Variants in DLG2 observed in about 807,000 individuals in gnomAD.
The protein encoded by DLG2 is discs large MAGUK scaffold protein 2.
A neutral mutation model predicts 132.5 loss-of-function variants in DLG2; 45 were observed. That is an observed-to-expected ratio of 0.34 (90% confidence interval 0.27 to 0.44). DLG2 has a LOEUF of 0.44. Among genes scored for constraint, DLG2 ranks in the 20% least tolerant of loss-of-function variants. DLG2 has a pLI of 1.00. For missense variants in DLG2, 1,045 were observed against 1,196.9 expected (o/e 0.87, Z 1.87); for synonymous variants, 424 against 419.6 (o/e 1.01, Z -0.13).
intron 3 of DLG2, among the ~76,000 whole-genome samples, chr11:85,484,313 A>G (rs1045960772): frequency 2.7e-5 from 4 of 150,502 alleles, no homozygotes; most frequent in Non-Finnish European, 5.9e-5. Context: ...TGTCTAAAAC[A>G]CCAAAAGCAA....
rs190493373 is a variant in DLG2, at chr11:83,608,704, C to A, written c.1940+24507G>T. On this transcript the variant is annotated intron_variant, in intron 19 of 27. Transcript: ENST00000376104. ...ATAATTATACTTCAGATAAATAAAT[C>A]AGGACACACACACACACACGCACAC... Among the ~76,000 whole-genome samples the A allele has an allele frequency of 7.7e-3, 1,157 of 150,506 alleles. 9 individuals carry two copies. The highest frequency in any genetic ancestry group is 0.052 in the Middle Eastern group (15 of 288).
rs754190895 is a variant in DLG2 at position 83,469,366 on chromosome 11, C to T, written c.2454G>A (p.Thr818=). 2.8e-5 allele frequency: 45 copies of T among 1,606,962 alleles called. No individual in the cohort carries two copies. Among genetic ancestry groups the T allele is most frequent in the Admixed American group, 3.4e-5 (2 of 58,204 alleles). The change falls in exon 25 of 28, where the codon ACG becomes ACA. Residue 818 remains threonine, a synonymous_variant. Transcript: ENST00000376104. ...CCACCTCGTAGTCTCGCTTTGGCCT[C>T]GTAGTATCTTTATAAAACAAAAAAT... ...DKFGSCVPHT[T]RPKRDYEVDG...
At chr11:84,507,752 C>T (rs986770725) in intron 7 of DLG2, among the ~76,000 whole-genome samples, 4 of 152,024 alleles carry the variant, frequency 2.6e-5, no homozygotes, top group Non-Finnish European at 5.9e-5. Context: ...GCATTTAATT[C>T]CGTTTATGTG....
At chr11:84,508,883 G>A (rs2099249727) in intron 7 of DLG2, among the ~76,000 whole-genome samples, 1 of 152,150 alleles carries the variant, frequency 6.6e-6, no homozygotes, top group Non-Finnish European at 1.5e-5. Context: ...TAGATGCTCA[G>A]TAAATGGTTA....
intron 8 of DLG2, among the ~76,000 whole-genome samples, chr11:84,184,450 A>T (rs1207891573): frequency 6.6e-6 from 1 of 151,478 alleles, no homozygotes; most frequent in African/African-American, 2.4e-5. Context: ...GTTTGAGTTC[A>T]TTGTAGATTC....
At chr11:83,889,888 C>T (rs1263667112) in intron 15 of DLG2, among the ~76,000 whole-genome samples, 2 of 143,226 alleles carry the variant, frequency 1.4e-5, no homozygotes, top group Non-Finnish European at 3.0e-5. Flanking sequence ...CATATTCTCA[C>T]TCATAGATGG....
chr11:84,143,316 A>G (rs900966854), intron 9 of DLG2, among the ~76,000 whole-genome samples: 7 of 152,176 alleles, frequency 4.6e-5, no homozygotes, highest in African/African-American at 1.7e-4. Context: ...TGGGTTTTGA[A>G]TGATAAGAAG....
chr11:84,539,090 G>A (rs2099362060), intron 6 of DLG2, among the ~76,000 whole-genome samples: 1 of 151,992 alleles, frequency 6.6e-6, no homozygotes, highest in African/African-American at 2.4e-5. Flanking sequence ...AATAATACCA[G>A]CTACAGTTAA....
chr11:83,797,991 C>A (rs2043290693), intron 17 of DLG2, among the ~76,000 whole-genome samples: 1 of 152,156 alleles, frequency 6.6e-6, no homozygotes, highest in Admixed American at 6.5e-5. Context: ...AGAGAGAATG[C>A]ACAGGAAGGG....
At chr11:84,049,643 T>C (rs980309901) in intron 11 of DLG2, among the ~76,000 whole-genome samples, 1 of 151,826 alleles carries the variant, frequency 6.6e-6, no homozygotes, top group African/African-American at 2.4e-5. Flanking sequence ...AAATTTAGCA[T>C]TGGCCAGGAT....
chr11:85,277,899 C>T (rs1595894547), intron 4 of DLG2, among the ~76,000 whole-genome samples: 1 of 152,148 alleles, frequency 6.6e-6, no homozygotes, highest in Non-Finnish European at 1.5e-5. Context: ...CTATGATCTA[C>T]TATGCATGAT....
At chr11:84,581,103 G>C (rs2099515299) in intron 6 of DLG2, among the ~76,000 whole-genome samples, 1 of 152,048 alleles carries the variant, frequency 6.6e-6, no homozygotes, top group Non-Finnish European at 1.5e-5. Flanking sequence ...TTTTATGGTG[G>C]AACTCATTAT....
intron 3 of DLG2, among the ~76,000 whole-genome samples, chr11:85,333,419 T>G (rs551117919): frequency 1.3e-5 from 2 of 152,200 alleles, no homozygotes; most frequent in South Asian, 4.1e-4. Flanking sequence ...CTGAATGTCT[T>G]TTATTTATTT....
At chr11:85,248,058 A>G (rs535883351) in intron 4 of DLG2, among the ~76,000 whole-genome samples, 1 of 152,220 alleles carries the variant, frequency 6.6e-6, no homozygotes, top group South Asian at 2.1e-4. Flanking sequence ...ATTCCATCCT[A>G]GAAATGTAGA....
At chr11:84,249,796 T>C (rs942625968) in intron 8 of DLG2, among the ~76,000 whole-genome samples, 4 of 152,216 alleles carry the variant, frequency 2.6e-5, no homozygotes, top group African/African-American at 9.6e-5. Flanking sequence ...CCTAACCTTG[T>C]TTCCGGTCTG....
At chr11:85,166,896 A>G (rs2078490751) in intron 4 of DLG2, among the ~76,000 whole-genome samples, 1 of 152,182 alleles carries the variant, frequency 6.6e-6, no homozygotes, top group Admixed American at 6.6e-5. Flanking sequence ...TTTTATATAC[A>G]TATCCGAAAA....
intron 6 of DLG2, among the ~76,000 whole-genome samples, chr11:84,796,283 T>C (rs961809438): frequency 1.3e-5 from 2 of 152,220 alleles, no homozygotes; most frequent in Non-Finnish European, 2.9e-5. Flanking sequence ...AAAAAATGGA[T>C]CATTTTAACT....
chr11:83,973,053 A>G (rs1359427329), intron 12 of DLG2, among the ~76,000 whole-genome samples: 8 of 152,156 alleles, frequency 5.3e-5, no homozygotes, highest in Non-Finnish European at 1.5e-5. Flanking sequence ...GGACAGTATG[A>G]TATGAACCCT....
intron 6 of DLG2, among the ~76,000 whole-genome samples, chr11:84,736,884 T>C (rs1337712086): frequency 6.6e-6 from 1 of 151,980 alleles, no homozygotes; most frequent in East Asian, 1.9e-4. Flanking sequence ...GGTTAAAACA[T>C]CCAGAACAAT....
Sources: allele counts gnomAD v4.1 joint callset (sites outside exome capture counted in the v4.1 genomes callset), GRCh38; gene constraint gnomAD v4.1.1; transcripts MANE v1.5; gene names NCBI Gene and HGNC (gene_info 2026-07-23, HGNC 2026-07-21).